Variants in PCDH7 observed in about 807,000 individuals in gnomAD.
PCDH7 encodes the protein protocadherin-7.
A neutral mutation model predicts 58.9 loss-of-function variants in PCDH7; 17 were observed. The ratio of observed to expected loss-of-function variants is 0.29; its 90% CI spans 0.20 to 0.43. The LOEUF (loss-of-function observed/expected upper bound fraction) is 0.43. Among genes scored for constraint, PCDH7 ranks in the 20% least tolerant of loss-of-function variants. The probability of loss-of-function intolerance (pLI) is 1.00; values close to 1 mark genes in which losing one functional copy is unlikely to be tolerated. For missense variants in PCDH7, 1,274 were observed against 1,441.0 expected (o/e 0.88, Z 1.88); for synonymous variants, 664 against 616.4 (o/e 1.08, Z -1.14).
intron 1 of PCDH7, among the ~76,000 whole-genome samples, chr4:30,841,976 G>T (rs556862957): frequency 2.8e-4 from 42 of 151,914 alleles, no homozygotes; most frequent in Non-Finnish European, 5.3e-4. Flanking sequence ...ATTTTTTTAG[G>T]AATGTTGAGT....
At chr4:30,830,484 CAT>C (rs753299646) in intron 1 of PCDH7, among the ~76,000 whole-genome samples, 13 of 151,976 alleles carry the variant, frequency 8.6e-5, no homozygotes, top group Non-Finnish European at 1.2e-4. Flanking sequence ...TAAAAAATAA[CAT>C]GTTTTGTTAT....
intron 3 of PCDH7, among the ~76,000 whole-genome samples, chr4:31,034,438 T>C (rs1183462363): frequency 5.3e-5 from 8 of 152,230 alleles, no homozygotes; most frequent in African/African-American, 9.6e-5. Flanking sequence ...TTAAATATTA[T>C]GGTTTTTGAT....
At chr4:30,990,578 C>A (rs892237463) in intron 3 of PCDH7, among the ~76,000 whole-genome samples, 4 of 152,128 alleles carry the variant, frequency 2.6e-5, no homozygotes, top group Non-Finnish European at 5.9e-5. Context: ...ATAAATCAAT[C>A]TACCTTGGGT....
chr4:30,960,123 A>G (rs1189439017), intron 3 of PCDH7, among the ~76,000 whole-genome samples: 1 of 75,994 alleles, frequency 1.3e-5, no homozygotes, highest in African/African-American at 7.7e-5. Flanking sequence ...GGAAGGAAGG[A>G]AGGAAGGAAG....
Position 31,003,703 on chromosome 4 carries a change from C to T in PCDH7, c.*7+53488C>T, listed in dbSNP as rs534155715. 3.3e-5 allele frequency among the ~76,000 whole-genome samples: 5 copies of T among 151,344 alleles called. No homozygotes were observed. In the East Asian group the frequency reaches 5.9e-4, roughly 18 times the overall value. On this transcript the variant is annotated intron_variant, in intron 3 of 3. Transcript: ENST00000509759. ...CGTGTGGATCACGAGGTCAGGATAT[C>T]GAGACCATCTTGGCTAACAGGGTGA...
intron 3 of PCDH7, among the ~76,000 whole-genome samples, chr4:30,964,718 G>A (rs1480808593): frequency 6.6e-6 from 1 of 151,572 alleles, no homozygotes; most frequent in Non-Finnish European, 1.5e-5. Flanking sequence ...GTACTGGCAC[G>A]TAATAGATGG....
intron 3 of PCDH7, among the ~76,000 whole-genome samples, chr4:31,105,662 G>A (rs1262318987): frequency 6.6e-6 from 1 of 152,138 alleles, no homozygotes; most frequent in Non-Finnish European, 1.5e-5. Flanking sequence ...GCTATAATAA[G>A]TATTGTTAGA....
At chr4:31,032,299 G>C (rs1298838944) in intron 3 of PCDH7, among the ~76,000 whole-genome samples, 2 of 152,098 alleles carry the variant, frequency 1.3e-5, no homozygotes, top group Non-Finnish European at 2.9e-5. Context: ...AAATGTATAA[G>C]ATTATTGCAT....
At chr4:31,054,021 A>G (rs1242670785) in intron 3 of PCDH7, among the ~76,000 whole-genome samples, 1 of 152,040 alleles carries the variant, frequency 6.6e-6, no homozygotes, top group Non-Finnish European at 1.5e-5. Context: ...GTACTGTGCC[A>G]TAGTCACAAT....
chr4:30,877,529 G>T (rs904872423), intron 1 of PCDH7, among the ~76,000 whole-genome samples: 1 of 152,116 alleles, frequency 6.6e-6, no homozygotes, highest in Non-Finnish European at 1.5e-5. Flanking sequence ...AGGAAAGGAG[G>T]CAGCAGGCCC....
At chr4:30,920,036 C>T in intron 1 of PCDH7, 117 bp from the exon 2 acceptor site, 1 of 603,046 alleles carries the variant, frequency 1.7e-6, no homozygotes, top group South Asian at 1.9e-5. Flanking sequence ...CATATCTATT[C>T]ATTTTGTATT....
chr4:31,131,893 TA>T (rs1719040864), intron 3 of PCDH7, among the ~76,000 whole-genome samples: 1 of 152,144 alleles, frequency 6.6e-6, no homozygotes, highest in African/African-American at 2.4e-5. Flanking sequence ...TTTATTACAT[TA>T]AAAAAATTAG....
At chr4:31,073,214 T>C (rs538669687) in intron 3 of PCDH7, among the ~76,000 whole-genome samples, 11 of 152,334 alleles carry the variant, frequency 7.2e-5, no homozygotes, top group African/African-American at 1.7e-4. Flanking sequence ...ATTTGCTACA[T>C]AGCATTACAT....
chr4:30,757,329 G>C (rs1719437246), intron 1 of PCDH7, among the ~76,000 whole-genome samples: 1 of 152,156 alleles, frequency 6.6e-6, no homozygotes, highest in Non-Finnish European at 1.5e-5. Context: ...GATTGTCCAA[G>C]TTGCTCCTGT....
At chr4:31,067,679 T>A (rs531427621) in intron 3 of PCDH7, among the ~76,000 whole-genome samples, 1 of 152,134 alleles carries the variant, frequency 6.6e-6, no homozygotes, top group South Asian at 2.1e-4. Context: ...TTTGCTAGGC[T>A]TCCATTATAT....
intron 3 of PCDH7, among the ~76,000 whole-genome samples, chr4:31,140,892 T>A (rs1720170264): frequency 6.6e-6 from 1 of 152,174 alleles, no homozygotes; most frequent in Non-Finnish European, 1.5e-5. Context: ...ATAATTAACC[T>A]TACATTTTAC....
At chr4:31,045,544 G>A (rs1756213270) in intron 3 of PCDH7, among the ~76,000 whole-genome samples, 1 of 152,016 alleles carries the variant, frequency 6.6e-6, no homozygotes. Flanking sequence ...TGATACAAAT[G>A]ATGGTAGCAT....
intron 1 of PCDH7, among the ~76,000 whole-genome samples, chr4:30,788,731 G>A (rs1723742868): frequency 6.6e-6 from 1 of 152,086 alleles, no homozygotes; most frequent in South Asian, 2.1e-4. Flanking sequence ...AATTATGAGA[G>A]TGTGTGGAGA....
intron 3 of PCDH7, among the ~76,000 whole-genome samples, chr4:31,052,866 G>T (rs1756869401): frequency 6.6e-6 from 1 of 152,098 alleles, no homozygotes; most frequent in South Asian, 2.1e-4. Context: ...TGTCCCTTCA[G>T]AATAGAGATT....
Sources: gnomAD v4.1 joint callset for allele counts (sites outside exome capture counted in the v4.1 genomes callset) on GRCh38, gnomAD v4.1.1 for gene constraint, MANE v1.5 for transcripts, NCBI Gene and HGNC (gene_info 2026-07-23, HGNC 2026-07-21) for gene names.